Variants in GLYATL2 observed in about 807,000 individuals in gnomAD.
GLYATL2 encodes glycine-N-acyltransferase like 2, also known as glycine N-acyltransferase-like protein 2.
Under a neutral mutation model 21.4 loss-of-function variants are expected in GLYATL2, and 25 were observed. The ratio of observed to expected loss-of-function variants is 1.17; its 90% CI spans 0.85 to 1.63. The LOEUF is 1.63. Ranked by LOEUF, GLYATL2 falls within the 40% of genes most tolerant of loss-of-function variation. GLYATL2 has a pLI of 0.00. For synonymous variants in GLYATL2, 114 were observed against 118.2 expected (o/e 0.96, Z 0.23); for missense variants, 361 against 343.3 (o/e 1.05, Z -0.41).
chr11:58,834,939 G>T (rs1483910060), intron 5 of GLYATL2, 102 bp from the exon 6 acceptor site: 8 of 809,446 alleles, frequency 9.9e-6, no homozygotes, highest in Non-Finnish European at 9.6e-6. Flanking sequence ...GGACCCTACA[G>T]CCTGGAGGAG....
chr11:58,873,198 G>C (rs1854158404), intron 1 of GLYATL2, among the ~76,000 whole-genome samples: 1 of 151,134 alleles, frequency 6.6e-6, no homozygotes, highest in East Asian at 1.9e-4. Context: ...GAGACGATGG[G>C]GTTTTCTAAA....
upstream of GLYATL2, among the ~76,000 whole-genome samples, chr11:58,846,361 G>A (rs988346819): frequency 1.1e-4 from 17 of 152,082 alleles, no homozygotes; most frequent in Admixed American, 8.5e-4. Context: ...ATACCTTCAT[G>A]AGAGCCAAAA....
At chr11:58,871,845 T>G (rs1305597885) in intron 1 of GLYATL2, among the ~76,000 whole-genome samples, 1 of 152,244 alleles carries the variant, frequency 6.6e-6, no homozygotes, top group Non-Finnish European at 1.5e-5. Flanking sequence ...TCTAGATGCC[T>G]GAGGAATTGC....
chr11:58,886,673 C>T (rs546258702), intron 1 of GLYATL2, among the ~76,000 whole-genome samples: 1 of 152,266 alleles, frequency 6.6e-6, no homozygotes, highest in East Asian at 1.9e-4. Flanking sequence ...CATGATTAAG[C>T]TGAAATAGTA....
At chr11:58,886,767 G>A (rs1345071629) in intron 1 of GLYATL2, among the ~76,000 whole-genome samples, 1 of 152,142 alleles carries the variant, frequency 6.6e-6, no homozygotes, top group East Asian at 1.9e-4. Context: ...GTGAACTGAA[G>A]CCTCATGGCC....
chr11:58,864,064 C>A (rs978815930), intron 1 of GLYATL2, among the ~76,000 whole-genome samples: 6 of 152,140 alleles, frequency 3.9e-5, no homozygotes, highest in African/African-American at 1.2e-4. Context: ...TTTTTGTGAG[C>A]CAACCTAGTT....
intron 1 of GLYATL2, among the ~76,000 whole-genome samples, chr11:58,897,440 G>T (rs1280971977): frequency 1.3e-5 from 2 of 152,046 alleles, no homozygotes; most frequent in African/African-American, 4.8e-5. Context: ...ACCTATAAGG[G>T]TGCCAACCTT....
chr11:58,903,137 G>T lies in GLYATL2; in HGVS notation n.60+1019C>A, dbSNP rs149618121. ...GCTGTTACTCCAATGATGAGCAAAT[G>T]AAGAGGAATTAGAAGCATAGCTATT... On this transcript the variant is annotated intron_variant and non_coding_transcript_variant, in intron 1 of 4. Transcript: ENST00000533636. Among the ~76,000 whole-genome samples the T allele has an allele frequency of 3.3e-3, 503 of 152,290 alleles. 5 individuals are homozygous for T. The highest frequency in any genetic ancestry group is 0.011 in the African/African-American group (476 of 41,544).
intron 1 of GLYATL2, 66 bp downstream of exon 1, chr11:58,844,368 T>G (rs1853605546): frequency 6.6e-6 from 1 of 152,192 alleles, no homozygotes; most frequent in Non-Finnish European, 1.5e-5. Context: ...ACAAATGATT[T>G]AGAACAAGAA....
chr11:58,860,682 T>A (rs560962816), intron 1 of GLYATL2, among the ~76,000 whole-genome samples: 6 of 152,222 alleles, frequency 3.9e-5, no homozygotes, highest in African/African-American at 1.4e-4. Context: ...TTGTCCTTAA[T>A]CTTAGAAAAA....
At chr11:58,841,230 A>G (rs557515462) in intron 1 of GLYATL2, among the ~76,000 whole-genome samples, 1 of 152,332 alleles carries the variant, frequency 6.6e-6, no homozygotes, top group South Asian at 2.1e-4. Flanking sequence ...GCATGTATAT[A>G]TGTAAGTGTA....
intron 1 of GLYATL2, among the ~76,000 whole-genome samples, chr11:58,842,517 T>TGC (rs1853572338): frequency 7.1e-6 from 1 of 141,804 alleles, no homozygotes; most frequent in Non-Finnish European, 1.5e-5. Flanking sequence ...TGTGTGTGTG[T>TGC]GTGCGCCCTG....
chr11:58,909,481 C>G, the GLYATL2 span, among the ~76,000 whole-genome samples: 12 of 152,140 alleles, frequency 7.9e-5, no homozygotes, highest in Non-Finnish European at 1.3e-4. Flanking sequence ...GATAATGTAT[C>G]TCCACACTCA....
intron 1 of GLYATL2, among the ~76,000 whole-genome samples, chr11:58,883,765 G>T (rs549253010): frequency 6.6e-6 from 1 of 152,092 alleles, no homozygotes; most frequent in Non-Finnish European, 1.5e-5. Flanking sequence ...ACACAACAAA[G>T]AAAGAGAATT....
At position 58,834,437 on chromosome 11, in the gene GLYATL2, A is replaced by G. The variant is rs1565085611; in HGVS notation, c.877T>C (p.Tyr293His). The G allele has an allele frequency of 2.5e-6, 4 of 1,582,622 alleles. No individual in the cohort carries two copies. Among genetic ancestry groups the G allele is most frequent in the Admixed American group, 3.7e-5 (2 of 53,876 alleles). Residue 293 changes from tyrosine (Y) to histidine (H), a missense_variant, in exon 6 of 6, where the codon TAT (tyrosine) becomes CAT (histidine). By Grantham distance (83) the Tyr-to-His change is moderately conservative. Coordinates refer to ENST00000287275, the MANE Select transcript of GLYATL2 (RefSeq NM_145016.4). ...ATGGACAGTGGAATCAATCAACAAT[A>G]TTTCTTGGGGGTGCATTTCCACTGA... Reference protein sequence around the residue: ...WHQWKCTPKKYC With the variant: ...WHQWKCTPKKHC
chr11:58,835,610 A>G (rs573089833), intron 5 of GLYATL2, among the ~76,000 whole-genome samples: 1 of 152,260 alleles, frequency 6.6e-6, no homozygotes, highest in African/African-American at 2.4e-5. Context: ...GAGTCACTTC[A>G]TGTTTGCCAG....
In GLYATL2 at chr11:58,837,147, C is replaced by T. The variant is rs760584779; in HGVS notation, c.344G>A (p.Arg115Lys). ...GCQEGLDEAI[R>K]KVATSKSVQV... The stretch of plus-strand genomic sequence containing the variant: ...CACTGATTTTGAAGTTGCAACCTTT[C>T]TTATTGCTTCATCCAAGCCCTCTTG... Residue 115 changes from arginine to lysine, a missense_variant, in exon 5 of 6, where the codon AGA (arginine) becomes AAA (lysine). By Grantham distance (26) the Arg-to-Lys change is conservative. Transcript: ENST00000287275. 2.5e-5 allele frequency: 40 copies of T among 1,613,920 alleles called. No individual in the cohort carries two copies. Among genetic ancestry groups the T allele is most frequent in the Middle Eastern group, 3.3e-4 (2 of 6,062 alleles).
At chr11:58,884,588 T>C (rs1472922400) in intron 1 of GLYATL2, among the ~76,000 whole-genome samples, 3 of 152,194 alleles carry the variant, frequency 2.0e-5, no homozygotes, top group African/African-American at 4.8e-5. Context: ...GAAAAAGTTA[T>C]GATGATGGTG....
At chr11:58,858,699 G>T (rs568597791) in intron 1 of GLYATL2, among the ~76,000 whole-genome samples, 7 of 152,302 alleles carry the variant, frequency 4.6e-5, no homozygotes, top group African/African-American at 1.7e-4. Flanking sequence ...TATTATGCCA[G>T]ATTACAGCAA....
Sources: allele counts gnomAD v4.1 joint callset (sites outside exome capture counted in the v4.1 genomes callset), GRCh38; gene constraint gnomAD v4.1.1; transcripts MANE v1.5; gene names NCBI Gene and HGNC (gene_info 2026-07-23, HGNC 2026-07-21).